SMG1: variants seen among roughly 807,000 people sequenced by gnomAD.
The protein encoded by SMG1 is serine/threonine-protein kinase SMG1.
SMG1 carries 22 observed loss-of-function variants against 419.9 expected under a neutral mutation model. The ratio of observed to expected loss-of-function variants is 0.05; its 90% CI spans 0.04 to 0.07. SMG1 has a LOEUF of 0.07. SMG1 is among the 10% of genes least tolerant of loss of function. The pLI, the probability that SMG1 is intolerant of heterozygous loss-of-function variation, is 1.00. For missense variants in SMG1, 3,185 were observed against 4,342.0 expected, an observed-to-expected ratio of 0.73 and a Z score of 7.49; for synonymous variants, 1,538 against 1,553.5, an observed-to-expected ratio of 0.99 and a Z score of 0.23.
At chr16:18,852,273 T>C (rs2034645915) in intron 32 of SMG1, 45 bp downstream of exon 32, 1 of 1,603,688 alleles carries the variant, frequency 6.2e-7, no homozygotes, top group Non-Finnish European at 8.5e-7. Context: ...GACATTTAAA[T>C]ATCTATTTAT....
At chr16:18,837,938 G>A in intron 45 of SMG1, 76 bp downstream of exon 45, 1 of 1,459,408 alleles carries the variant, frequency 6.9e-7, no homozygotes, top group Non-Finnish European at 9.3e-7. Flanking sequence ...GAAACAATTT[G>A]CCTCAACATT....
chr16:18,883,069 G>C (rs2036469116), intron 9 of SMG1, among the ~76,000 whole-genome samples: 1 of 152,160 alleles, frequency 6.6e-6, no homozygotes, highest in Admixed American at 6.5e-5. Flanking sequence ...GCTTTTCTAG[G>C]AAAGAGTAAA....
chr16:18,859,947 G>A (rs2141471646), intron 26 of SMG1, among the ~76,000 whole-genome samples: 1 of 152,288 alleles, frequency 6.6e-6, no homozygotes. Flanking sequence ...GGCCAGGCGT[G>A]GTGGCTCACG....
In SMG1 at chr16:18,834,899, G is replaced by C. The variant is rs770952275; in HGVS notation, c.8323C>G (p.Leu2775Val). Residue 2775 changes from leucine (L) to valine (V), a missense_variant, in exon 49 of 63, where the codon CTT becomes GTT. Transcript: ENST00000446231. ...ASVIISALCT[L>V]TRRNLMMEGA... The stretch of plus-strand genomic sequence containing the variant: ...TGAAGTTGGCTAACTTACCTTGTAA[G>C]GGTACAAAGGGCAGAAATAATAACA... 6.2e-7 allele frequency: 1 copy of C among 1,612,752 alleles called. No homozygotes were observed. Among genetic ancestry groups the C allele is most frequent in the South Asian group, 1.1e-5 (1 of 91,032 alleles).
Position 18,808,818 on chromosome 16 carries a change from CG to C in SMG1, c.*750del, listed in dbSNP as rs746842332. ...TCAGAAGTTGTTAACAGCATCGAGACGGAAGTATATGAAATATAAGGACTGA... is the reference window on the plus strand; with the variant it reads ...TCAGAAGTTGTTAACAGCATCGAGACGAAGTATATGAAATATAAGGACTGA... On this transcript the variant is annotated 3_prime_UTR_variant, in exon 63 of 63. Coordinates refer to ENST00000446231, the MANE Select transcript of SMG1 (RefSeq NM_015092.5). 6 of 152,186 alleles carry C rather than the reference CG, an allele frequency of 3.9e-5. No individual in the cohort carries two copies. Among genetic ancestry groups the C allele is most frequent in the Non-Finnish European group, 8.8e-5 (6 of 67,982 alleles). The allele number at this position is 152,186 out of a possible 1,614,324, so 9.4% of individuals were successfully genotyped here.
chr16:18,846,470 A>T (rs1183411342), intron 38 of SMG1, among the ~76,000 whole-genome samples: 1 of 152,192 alleles, frequency 6.6e-6, no homozygotes, highest in Non-Finnish European at 1.5e-5. Context: ...TTTGCAAATC[A>T]TGTATCTGAT....
At chr16:18,848,409 G>A (rs1412329561) in intron 36 of SMG1, among the ~76,000 whole-genome samples, 2 of 151,198 alleles carry the variant, frequency 1.3e-5, no homozygotes, top group Non-Finnish European at 2.9e-5. Flanking sequence ...CCTGTCTCCT[G>A]GGTTCAAGTG....
intron 38 of SMG1, among the ~76,000 whole-genome samples, 172 bp from the exon 39 acceptor site, chr16:18,845,823 T>C (rs1022384026): frequency 1.3e-5 from 2 of 151,540 alleles, no homozygotes. Flanking sequence ...TTTTTGGTTT[T>C]GTTTTTTTTT....
chr16:18,851,392 TACACACAC>T (rs71374432), intron 33 of SMG1, among the ~76,000 whole-genome samples: 5 of 149,966 alleles, frequency 3.3e-5, no homozygotes, highest in African/African-American at 7.6e-5. Flanking sequence ...TAAGTTTAAA[TACACACAC>T]ACACACACGC....
chr16:18,845,730 T>C (rs994492928), intron 38 of SMG1, 79 bp from the exon 39 acceptor site: 1 of 1,027,486 alleles, frequency 9.7e-7, no homozygotes, highest in Non-Finnish European at 1.5e-6. Context: ...AATTTCAATA[T>C]ATCAATTGTT....
At chr16:18,814,424 G>T (rs1053897150) in intron 60 of SMG1, among the ~76,000 whole-genome samples, 1 of 149,606 alleles carries the variant, frequency 6.7e-6, no homozygotes, top group Non-Finnish European at 1.5e-5. Flanking sequence ...GCTTGAATCT[G>T]GGGGGTGGAG....
rs1002103982 is a variant in SMG1, at chr16:18,809,264, G to A, written c.*305C>T. On this transcript the variant is annotated 3_prime_UTR_variant, in exon 63 of 63. Coordinates refer to ENST00000446231, the MANE Select transcript of SMG1 (RefSeq NM_015092.5). The stretch of plus-strand genomic sequence containing the variant: ...CTCCGCGGCATCCCGATTTCTTTCC[G>A]CAGCTAACCTCCCGACACGTCTGCT... The A allele has an allele frequency of 1.9e-5, 6 of 322,268 alleles. No homozygotes were observed. The highest frequency in any genetic ancestry group is 8.4e-5 in the African/African-American group (4 of 47,522). 20.0% of individuals were successfully genotyped at this position (322,268 alleles called of 1,614,324 possible). A position where few individuals can be genotyped will look rare whatever the true frequency, so the allele number is the denominator to read the frequency against.
At chr16:18,822,305 G>C in intron 55 of SMG1, among the ~76,000 whole-genome samples, 1 of 80,748 alleles carries the variant, frequency 1.2e-5, no homozygotes, top group Non-Finnish European at 2.7e-5. Context: ...ATTGCTTTTG[G>C]TGTTTTGGAC....
intron 1 of SMG1, among the ~76,000 whole-genome samples, chr16:18,907,534 A>G (rs571759992): frequency 1.3e-5 from 2 of 152,004 alleles, no homozygotes; most frequent in South Asian, 4.2e-4. Flanking sequence ...TTCTAACCCA[A>G]GCTAGCTTAC....
At chr16:18,885,518 G>A (rs1292784494) in intron 7 of SMG1, 23 bp downstream of exon 7, 1 of 1,595,716 alleles carries the variant, frequency 6.3e-7, no homozygotes, top group African/African-American at 1.3e-5. Flanking sequence ...CCCATGATCT[G>A]AAAAGCGGAA....
chr16:18,844,000 TATG>T (rs1382110737), intron 39 of SMG1, among the ~76,000 whole-genome samples: 2 of 138,446 alleles, frequency 1.4e-5, no homozygotes, highest in East Asian at 2.0e-4. Flanking sequence ...AAAAATTTTC[TATG>T]ATTATACACA....
At chr16:18,905,361 T>C (rs2037520069) in intron 1 of SMG1, among the ~76,000 whole-genome samples, 1 of 152,168 alleles carries the variant, frequency 6.6e-6, no homozygotes, top group South Asian at 2.1e-4. Context: ...GAAAAATTTA[T>C]CTTCCTTGCC....
In SMG1 at chr16:18,826,924, A is replaced by T. The variant is rs555832028; in HGVS notation, c.9741+1107T>A. Among the ~76,000 whole-genome samples, 4 of 59,742 alleles carry T rather than the reference A, an allele frequency of 6.7e-5. 1 individual carries two copies. In the South Asian group the frequency reaches 2.5e-3, roughly 37 times the overall value. 39.2% of individuals were successfully genotyped at this position (59,742 alleles called of 152,430 possible). A position where few individuals can be genotyped will look rare whatever the true frequency, so the allele number is the denominator to read the frequency against. ...GCAATCAGCGAGATTCCGTGGGCGT[A>T]GGACCCTCTGAGCCAGGTGTGGGAT... On this transcript the variant is annotated intron_variant, in intron 55 of 62. Transcript: ENST00000446231.
chr16:18,910,419 C>T (rs1354064395), intron 1 of SMG1, among the ~76,000 whole-genome samples: 4 of 151,754 alleles, frequency 2.6e-5, no homozygotes, highest in Non-Finnish European at 5.9e-5. Flanking sequence ...TTAGTAGAGA[C>T]GGAGTTTCAC....
Sources: allele counts gnomAD v4.1 joint callset (sites outside exome capture counted in the v4.1 genomes callset), GRCh38; gene constraint gnomAD v4.1.1; transcripts MANE v1.5; gene names NCBI Gene and HGNC (gene_info 2026-07-23, HGNC 2026-07-21).